PHLDA1: variants seen among roughly 807,000 people sequenced by gnomAD.
The protein encoded by PHLDA1 is pleckstrin homology-like domain family A member 1.
A neutral mutation model predicts 33.8 loss-of-function variants in PHLDA1; 28 were observed. That is an observed-to-expected ratio of 0.83 (90% CI 0.61 to 1.14). PHLDA1 has a LOEUF of 1.14. PHLDA1 is among the 50% of genes most tolerant of loss of function. PHLDA1 has a pLI of 0.00. For synonymous variants in PHLDA1, 271 were observed against 243.6 expected (o/e 1.11, Z -1.05); for missense variants, 595 against 548.6 (o/e 1.08, Z -0.84).
At chr12:76,025,961 C>T (rs1870766737) in exon 2 of PHLDA1, 1 of 152,196 alleles carries the variant, frequency 6.6e-6, no homozygotes, top group Non-Finnish European at 1.5e-5. Flanking sequence ...TTTACCCAAT[C>T]TTAGGTAAAT....
In PHLDA1 at chr12:76,031,465, G is replaced by T; in HGVS notation, c.277C>A (p.Arg93Ser). 1 of 1,535,164 alleles carries T rather than the reference G, an allele frequency of 6.5e-7. No individual in the cohort carries two copies. The highest frequency in any genetic ancestry group is 8.8e-7 in the Non-Finnish European group (1 of 1,142,624). ...CGGAGCGCGCAGAGGAGGCTAACAC[G>T]CAGGAGGCAGAGCGGCGGCGGCGGC... The change falls in exon 1 of 2, where the codon CGT becomes AGT. Residue 93 changes from arginine (R) to serine (S), a missense_variant. Arg to Ser is a moderately radical substitution (Grantham distance 110). Coordinates refer to ENST00000266671, the Ensembl canonical transcript of PHLDA1. The surrounding 1 kb of genome is among the most constrained non-coding windows in gnomAD (Gnocchi z 5.4).
chr12:76,030,151 G>C, intron 1 of PHLDA1, 59 bp from the exon 2 acceptor site: 1 of 291,632 alleles, frequency 3.4e-6, no homozygotes, highest in Non-Finnish European at 6.5e-6. Context: ...GACCAGTTCT[G>C]TTCGGGCCAG....
At chr12:76,030,578 C>T (rs1388596858) in exon 1 of PHLDA1, 16 of 1,613,474 alleles carry the variant, frequency 9.9e-6, no homozygotes, top group Non-Finnish European at 1.4e-5. Context: ...GGTGCCCGTG[C>T]GGCTGCGAGT....
Position 76,031,645 on chromosome 12 carries a change from C to G in PHLDA1, c.97G>C (p.Gly33Arg), listed in dbSNP as rs1870915266. Residue 33 changes from glycine to arginine, a missense_variant, in exon 1 of 2, where the codon GGG becomes CGG. By Grantham distance (125) the Gly-to-Arg change is moderately radical. Coordinates refer to ENST00000266671, the Ensembl canonical transcript of PHLDA1. The surrounding 1 kb of genome is among the most constrained non-coding windows in gnomAD (Gnocchi z 5.4). ...TTTTGAATGGGCCATCTTCCCCACC[C>G]CCGAGTGACACCCAGCGGAAAAGGC... 3 of 1,544,602 alleles carry G rather than the reference C, an allele frequency of 1.9e-6. No homozygotes were observed. Among genetic ancestry groups the G allele is most frequent in the African/African-American group, 1.4e-5 (1 of 69,998 alleles).
At chr12:76,027,184 G>A (rs183975815) in exon 2 of PHLDA1, 22 of 152,210 alleles carry the variant, frequency 1.4e-4, no homozygotes, top group African/African-American at 5.1e-4. Flanking sequence ...AAATATCTTA[G>A]GTGGTTTTGT....
rs1212380147 is a variant in PHLDA1 at position 76,031,360 on chromosome 12, C to T, written c.382G>A (p.Gly128Arg). The T allele has an allele frequency of 1.9e-6, 3 of 1,610,050 alleles. No individual in the cohort carries two copies. In the Admixed American group the frequency reaches 5.0e-5, roughly 27 times the overall value. Reference sequence around the variant, plus strand: ...GGGCCGCCGCTTGGCTCGGCCTCTCCGTTTCCAGCCGCGCGGGCCGGGGGC... The same window carrying T: ...GGGCCGCCGCTTGGCTCGGCCTCTCTGTTTCCAGCCGCGCGGGCCGGGGGC... The change falls in exon 1 of 2, where the codon GGA (glycine) becomes AGA (arginine). Residue 128 changes from glycine to arginine, a missense_variant. By Grantham distance (125) the Gly-to-Arg change is moderately radical. Transcript: ENST00000266671. This position sits in a 1 kb window ranked among gnomAD's most constrained non-coding sequence, Gnocchi z 5.4.
exon 2 of PHLDA1, chr12:76,026,177 G>T (rs1202380362): frequency 6.6e-6 from 1 of 152,170 alleles, no homozygotes; most frequent in South Asian, 2.1e-4. Flanking sequence ...AATTTACTCT[G>T]CCGAGGACAT....
chr12:76,030,217 A>C, intron 1 of PHLDA1, 125 bp from the exon 2 acceptor site: 2 of 449,174 alleles, frequency 4.5e-6, no homozygotes, highest in Non-Finnish European at 8.0e-6. Context: ...CAACTGCCCA[A>C]ACATATAGTC....
At chr12:76,029,531 T>TTTAACTATATAG (rs1326480722) in exon 2 of PHLDA1, 2 of 152,340 alleles carry the variant, frequency 1.3e-5, no homozygotes, top group Non-Finnish European at 2.9e-5. Context: ...AAACTATATG[T>TTTAACTATATAG]TTAAGCAAAA....
At chr12:76,026,113 A>G (rs1473724276) in exon 2 of PHLDA1, 1 of 152,248 alleles carries the variant, frequency 6.6e-6, no homozygotes, top group East Asian at 1.9e-4. Context: ...AAATAGGTGT[A>G]TCTCTTGAAT....
At chr12:76,026,169 T>C (rs1165312092) in exon 2 of PHLDA1, 4 of 152,232 alleles carry the variant, frequency 2.6e-5, no homozygotes, top group Non-Finnish European at 5.9e-5. Context: ...ACGTTTAAAA[T>C]TTACTCTGCC....
exon 2 of PHLDA1, chr12:76,029,464 GT>G (rs1160503250): frequency 1.4e-4 from 22 of 152,164 alleles, no homozygotes; most frequent in African/African-American, 5.3e-4. Flanking sequence ...ACTATCTTGA[GT>G]GTTAGATTTT....
intron 1 of PHLDA1, 122 bp from the exon 2 acceptor site, chr12:76,030,214 C>T (rs1870860005): frequency 2.3e-6 from 1 of 443,950 alleles, no homozygotes; most frequent in South Asian, 4.2e-5. Context: ...CCTCAACTGC[C>T]CAAACATATA....
exon 2 of PHLDA1, chr12:76,025,947 C>CT (rs960517937): frequency 5.3e-5 from 8 of 152,178 alleles, no homozygotes; most frequent in African/African-American, 1.4e-4. Flanking sequence ...TCACAGATGA[C>CT]TTTTTTACCC....
Position 76,031,551 on chromosome 12 carries a change from G to A in PHLDA1, c.191C>T (p.Ala64Val), listed in dbSNP as rs12823503. 1.9e-6 allele frequency: 3 copies of A among 1,552,304 alleles called. No homozygotes were observed. Among genetic ancestry groups the A allele is most frequent in the African/African-American group, 2.8e-5 (2 of 70,388 alleles). ...GCGCCACAAGGTCCCGGAGCTCCGAGCTGCCGGGCCTCTGCCGTCCTCTTG... is the reference window on the plus strand; with the variant it reads ...GCGCCACAAGGTCCCGGAGCTCCGAACTGCCGGGCCTCTGCCGTCCTCTTG... The change falls in exon 1 of 2, where the codon GCT (alanine) becomes GTT (valine). Residue 64 changes from alanine to valine, a missense_variant. This residue lies in a region of PHLDA1 where 263 missense variants were observed against 232.3 expected (regional missense o/e 1.13). Coordinates refer to ENST00000266671, the Ensembl canonical transcript of PHLDA1. The surrounding 1 kb of genome is among the most constrained non-coding windows in gnomAD (Gnocchi z 5.4).
In PHLDA1 at chr12:76,031,720, C is replaced by A. The variant is rs577332109; in HGVS notation, c.22G>T (p.Glu8Ter). ...GGAAAGCCCAGCTCCAAGAGGCGCT[C>A]GGCAGCCGGCGCACGCCTCATTAAC... The change falls in exon 1 of 2, where the codon GAG becomes TAG. Residue 8 changes from glutamate to a stop codon, truncating the protein, a stop_gained. Coordinates refer to ENST00000266671, the Ensembl canonical transcript of PHLDA1. LOFTEE classifies it high-confidence loss of function. The surrounding 1 kb of genome is among the most constrained non-coding windows in gnomAD (Gnocchi z 5.4). The A allele has an allele frequency of 3.2e-5, 45 of 1,392,346 alleles. No individual in the cohort carries two copies. The highest frequency in any genetic ancestry group is 4.0e-5 in the Non-Finnish European group (43 of 1,069,662). The allele number at this position is 1,392,346 out of a possible 1,614,324, so 86.2% of individuals were successfully genotyped here.
chr12:76,031,386 A>G lies in PHLDA1; in HGVS notation c.356T>C (p.Leu119Pro). 5.0e-6 allele frequency: 8 copies of G among 1,600,072 alleles called. No individual in the cohort carries two copies. Among genetic ancestry groups the G allele is most frequent in the Non-Finnish European group, 6.0e-6 (7 of 1,174,374 alleles). ...GTTTCCAGCCGCGCGGGCCGGGGGC[A>G]GCAGCAGCAGCCTCGCGCCGTCCTC... Residue 119 changes from leucine (L) to proline (P), a missense_variant, in exon 1 of 2, where the codon CTG (leucine) becomes CCG (proline). Transcript: ENST00000266671. The surrounding 1 kb of genome is among the most constrained non-coding windows in gnomAD (Gnocchi z 5.4).
At chr12:76,026,978 GCTCA>G (rs961376465) in exon 2 of PHLDA1, 4 of 152,216 alleles carry the variant, frequency 2.6e-5, no homozygotes, top group African/African-American at 9.7e-5. Flanking sequence ...CAGTTATTGA[GCTCA>G]CTGTGTATGA....
exon 1 of PHLDA1, chr12:76,030,601 G>A (rs770422192): frequency 6.2e-7 from 1 of 1,609,328 alleles, no homozygotes; most frequent in Admixed American, 1.7e-5. Context: ...GGCTGTGGGT[G>A]TGGGTGCGGT....
Sources: allele counts gnomAD v4.1 joint callset, GRCh38; gene constraint gnomAD v4.1.1; regional missense constraint gnomAD v4.1.1; non-coding constraint Gnocchi (gnomAD v3.1); transcripts MANE v1.5; gene names NCBI Gene and HGNC (gene_info 2026-07-23, HGNC 2026-07-21).